Variants in TMEM53 observed in about 807,000 individuals in gnomAD.
The protein encoded by TMEM53 is transmembrane protein 53.
A neutral mutation model predicts 21.4 loss-of-function variants in TMEM53; 14 were observed. The ratio of observed to expected loss-of-function variants is 0.65; its 90% CI spans 0.43 to 1.02. The LOEUF (loss-of-function observed/expected upper bound fraction) is 1.02. Among genes scored for constraint, TMEM53 ranks in the 50% least tolerant of loss-of-function variants. The pLI is 0.00. For synonymous variants in TMEM53, 148 were observed against 157.4 expected (o/e 0.94, Z 0.45); for missense variants, 323 against 383.6 (o/e 0.84, Z 1.32).
rs1436289736 is a variant in TMEM53, at chr1:44,667,315, G to T, written c.61+7016C>A. Reference sequence around the variant, plus strand: ...TACACAAACGCACACTTTTTTTGTTGTTTTTTTTTTTTTTGACAGTCTCAC... The same window carrying T: ...TACACAAACGCACACTTTTTTTGTTTTTTTTTTTTTTTTTGACAGTCTCAC... On this transcript the variant is annotated intron_variant, in intron 1 of 2. Transcript: ENST00000372237. 1.4e-4 allele frequency among the ~76,000 whole-genome samples: 19 copies of T among 138,290 alleles called. 1 individual carries two copies. The highest frequency in any genetic ancestry group is 4.4e-4 in the African/African-American group (17 of 38,342). 90.7% of individuals were successfully genotyped at this position (138,290 alleles called of 152,430 possible).
Position 44,659,569 on chromosome 1 carries a change from C to T in TMEM53, c.183+605G>A, listed in dbSNP as rs2148531078. On this transcript the variant is annotated intron_variant, in intron 2 of 2. Transcript: ENST00000372237. ...GCCATGGGCAGTCATAAGACAGAAA[C>T]TCACCTGGTGGGAAAGGAGGAGGTC... Among the ~76,000 whole-genome samples the T allele has an allele frequency of 2.6e-5, 4 of 152,358 alleles. 1 individual carries two copies. The highest frequency in any genetic ancestry group is 6.8e-3 in the Middle Eastern group (2 of 294).
intron 1 of TMEM53, among the ~76,000 whole-genome samples, chr1:44,673,417 T>C (rs1173520509): frequency 6.6e-6 from 1 of 152,192 alleles, no homozygotes; most frequent in East Asian, 1.9e-4. Flanking sequence ...GTGAAGGCGA[T>C]GCTGGACTAA....
intron 1 of TMEM53, among the ~76,000 whole-genome samples, chr1:44,664,308 G>A (rs1035487427): frequency 3.9e-5 from 6 of 151,900 alleles, no homozygotes; most frequent in African/African-American, 9.7e-5. Flanking sequence ...AAAATCAGCC[G>A]GACGTGGTGG....
At chr1:44,665,324 T>C (rs1298616319) in intron 1 of TMEM53, among the ~76,000 whole-genome samples, 1 of 152,102 alleles carries the variant, frequency 6.6e-6, no homozygotes, top group African/African-American at 2.4e-5. Context: ...TTCTGGAACA[T>C]GTATCAAAAG....
At chr1:44,659,441 G>C (rs972355086) in intron 2 of TMEM53, among the ~76,000 whole-genome samples, 1 of 152,214 alleles carries the variant, frequency 6.6e-6, no homozygotes, top group Non-Finnish European at 1.5e-5. Flanking sequence ...TCCTGCTAAG[G>C]CCCTCTGCAG....
chr1:44,666,489 G>C (rs1012333796), intron 1 of TMEM53, among the ~76,000 whole-genome samples: 2 of 152,186 alleles, frequency 1.3e-5, no homozygotes, highest in Non-Finnish European at 2.9e-5. Flanking sequence ...TCTGTGAACA[G>C]ATAAGCAAAA....
rs1644827907 is a variant in TMEM53, at chr1:44,654,422, G to T, written c.*137C>A. On this transcript the variant is annotated 3_prime_UTR_variant, in exon 3 of 3. Transcript: ENST00000372237. This position sits in a 1 kb window ranked among gnomAD's most constrained non-coding sequence, Gnocchi z 7.0. ...GAGGCCCCCAGGAGACAGGCCCATAGGAATTTTCTACTTAGGGGACCGCAA... is the reference window on the plus strand; with the variant it reads ...GAGGCCCCCAGGAGACAGGCCCATATGAATTTTCTACTTAGGGGACCGCAA... 9.7e-7 allele frequency: 1 copy of T among 1,028,254 alleles called. No homozygotes were observed. The highest frequency in any genetic ancestry group is 1.6e-5 in the African/African-American group (1 of 62,528). 63.7% of individuals were successfully genotyped at this position (1,028,254 alleles called of 1,614,324 possible). A position where few individuals can be genotyped will look rare whatever the true frequency, so the allele number is the denominator to read the frequency against.
chr1:44,657,455 T>C (rs1036380013), intron 2 of TMEM53, among the ~76,000 whole-genome samples: 3 of 152,078 alleles, frequency 2.0e-5, no homozygotes, highest in Non-Finnish European at 4.4e-5. Context: ...AGAGAAGATA[T>C]ACCCCCCCAA....
chr1:44,674,173 C>T, intron 1 of TMEM53, 158 bp downstream of exon 1: 4 of 985,288 alleles, frequency 4.1e-6, no homozygotes, highest in Non-Finnish European at 4.8e-6. Flanking sequence ...AGGGGCGGGG[C>T]TCTCTGAGCC....
chr1:44,655,841 G>A lies in TMEM53; in HGVS notation c.184-632C>T, dbSNP rs953448808. Among the ~76,000 whole-genome samples the A allele has an allele frequency of 2.6e-5, 4 of 152,160 alleles. No individual in the cohort carries two copies. Among genetic ancestry groups the A allele is most frequent in the African/African-American group, 4.8e-5 (2 of 41,434 alleles). On this transcript the variant is annotated intron_variant, in intron 2 of 2. Coordinates refer to ENST00000372237, the MANE Select transcript of TMEM53 (RefSeq NM_024587.4). This position sits in a 1 kb window ranked among gnomAD's most constrained non-coding sequence, Gnocchi z 4.4. Reference sequence around the variant, plus strand: ...CCATACTCTCTGGACTCAGGGACCTGACACTCAAATGTCCCTGGTTCCCCG... The same window carrying A: ...CCATACTCTCTGGACTCAGGGACCTAACACTCAAATGTCCCTGGTTCCCCG...
At chr1:44,667,612 AT>A (rs1188255766) in intron 1 of TMEM53, among the ~76,000 whole-genome samples, 5 of 151,836 alleles carry the variant, frequency 3.3e-5, no homozygotes, top group Non-Finnish European at 7.4e-5. Context: ...CCAGCCATGT[AT>A]TTTTTTTAAT....
chr1:44,661,016 A>G (rs1225914283), intron 1 of TMEM53, among the ~76,000 whole-genome samples: 3 of 152,092 alleles, frequency 2.0e-5, no homozygotes, highest in Non-Finnish European at 4.4e-5. Context: ...GACACGTGAA[A>G]ATTATATGGA....
intron 1 of TMEM53, among the ~76,000 whole-genome samples, chr1:44,667,813 C>G (rs960716865): frequency 1.7e-4 from 26 of 151,990 alleles, no homozygotes; most frequent in African/African-American, 6.0e-4. Flanking sequence ...GTCAAAGAGG[C>G]CAGGGATGCC....
chr1:44,659,896 G>A (rs1255493912), intron 2 of TMEM53, among the ~76,000 whole-genome samples: 1 of 124,896 alleles, frequency 8.0e-6, no homozygotes, highest in Non-Finnish European at 1.6e-5. Flanking sequence ...ATCTCACCCT[G>A]TCACCCAGGC....
At chr1:44,663,761 C>G (rs559138186) in intron 1 of TMEM53, among the ~76,000 whole-genome samples, 11 of 152,302 alleles carry the variant, frequency 7.2e-5, no homozygotes, top group Middle Eastern at 3.4e-3. Context: ...TTACCAGAAC[C>G]CTGTACAAGC....
intron 2 of TMEM53, among the ~76,000 whole-genome samples, chr1:44,658,708 T>C (rs1055180464): frequency 2.6e-5 from 4 of 152,104 alleles, no homozygotes; most frequent in Non-Finnish European, 4.4e-5. Flanking sequence ...TGCGCCACCA[T>C]GCCTGGCTAA....
chr1:44,674,099 C>A (rs961194741), intron 1 of TMEM53: 14 of 985,292 alleles, frequency 1.4e-5, no homozygotes, highest in Non-Finnish European at 1.7e-5. Flanking sequence ...AGGTCCCAAG[C>A]GAGCAGCTGA....
At chr1:44,670,169 TAAA>T (rs780360806) in intron 1 of TMEM53, among the ~76,000 whole-genome samples, 2 of 103,810 alleles carry the variant, frequency 1.9e-5, no homozygotes, top group Admixed American at 1.0e-4. Context: ...TCCTCTGTAT[TAAA>T]AAAAAAAAAA....
At chr1:44,658,036 C>A (rs148677761) in intron 2 of TMEM53, among the ~76,000 whole-genome samples, 159 of 152,220 alleles carry the variant, frequency 1.0e-3, no homozygotes, top group African/African-American at 3.4e-3. Flanking sequence ...GCCCAAGTAG[C>A]ATCTTTACCC....
Sources: gnomAD v4.1 joint callset for allele counts (sites outside exome capture counted in the v4.1 genomes callset) on GRCh38, gnomAD v4.1.1 for gene constraint, Gnocchi (gnomAD v3.1) non-coding constraint, MANE v1.5 for transcripts, NCBI Gene and HGNC (gene_info 2026-07-23, HGNC 2026-07-21) for gene names.